DDX50: variants seen among roughly 807,000 people sequenced by gnomAD.
DDX50 encodes the protein DExD-box helicase 50.
DDX50 carries 56 observed loss-of-function variants against 94.8 expected under a neutral mutation model. The observed-to-expected ratio is 0.59, with a 90% CI of 0.48 to 0.74. DDX50 has a LOEUF of 0.74. DDX50 is among the 30% of genes least tolerant of loss of function. DDX50 has a pLI of 0.00. For missense variants in DDX50, 713 were observed against 881.2 expected, an observed-to-expected ratio of 0.81 and a Z score of 2.42; for synonymous variants, 264 against 295.4, an observed-to-expected ratio of 0.89 and a Z score of 1.09.
chr10:68,908,587 T>C (rs1841532845), intron 2 of DDX50, among the ~76,000 whole-genome samples: 1 of 151,186 alleles, frequency 6.6e-6, no homozygotes, highest in Non-Finnish European at 1.5e-5. Flanking sequence ...GAGTGGATTA[T>C]AAATAATTTT....
intron 10 of DDX50, 149 bp downstream of exon 10, chr10:68,935,067 T>C (rs768101576): frequency 1.4e-4 from 134 of 971,264 alleles, no homozygotes; most frequent in Non-Finnish European, 1.7e-4. Context: ...TCTAAATTTA[T>C]ATTAGCTTCA....
chr10:68,936,693 G>A (rs1369214574), intron 11 of DDX50, among the ~76,000 whole-genome samples: 1 of 150,618 alleles, frequency 6.6e-6, no homozygotes, highest in African/African-American at 2.4e-5. Flanking sequence ...ACAAAGATTA[G>A]CCAGGAGTGG....
intron 1 of DDX50, among the ~76,000 whole-genome samples, chr10:68,901,696 C>T (rs1004503827): frequency 3.3e-5 from 5 of 152,194 alleles, no homozygotes; most frequent in African/African-American, 1.2e-4. Flanking sequence ...TCCGCGTGGC[C>T]CCTCAGCCCT....
intron 2 of DDX50, among the ~76,000 whole-genome samples, chr10:68,908,565 A>G (rs1037733702): frequency 6.7e-6 from 1 of 148,888 alleles, no homozygotes; most frequent in Non-Finnish European, 1.5e-5. Flanking sequence ...TGTTTCAAAT[A>G]TGGCTTTAGC....
At position 68,911,128 on chromosome 10, in the gene DDX50, GA is replaced by G. The variant is rs750448604; in HGVS notation, c.525del (p.Asp176IlefsTer2). 6.2e-7 allele frequency: 1 copy of G among 1,610,796 alleles called. No homozygotes were observed. Among genetic ancestry groups the G allele is most frequent in the Non-Finnish European group, 8.5e-7 (1 of 1,178,588 alleles). On this transcript the variant is annotated frameshift_variant, in exon 4 of 15. Transcript: ENST00000373585. LOFTEE classifies it high-confidence loss of function. ...QVKTFGPVYE[G>X]KDLIAQARTG... Reference sequence around the variant, plus strand: ...AAGACCTTTGGTCCTGTATATGAAGGAAAAGATTTAATAGCTCAAGCACGGA... The same window carrying G: ...AAGACCTTTGGTCCTGTATATGAAGGAAAGATTTAATAGCTCAAGCACGGA...
At chr10:68,935,350 C>G (rs939582783) in intron 10 of DDX50, among the ~76,000 whole-genome samples, 5 of 151,546 alleles carry the variant, frequency 3.3e-5, no homozygotes, top group African/African-American at 1.2e-4. Context: ...TTTTTATATG[C>G]AATTTCATAT....
At chr10:68,915,177 G>T (rs1213957126) in intron 7 of DDX50, among the ~76,000 whole-genome samples, 1 of 152,170 alleles carries the variant, frequency 6.6e-6, no homozygotes, top group Non-Finnish European at 1.5e-5. Context: ...ATTTTGGGAG[G>T]CTGAGGCAGG....
Position 68,934,677 on chromosome 10 carries a change from T to G in DDX50, c.1402-122T>G, listed in dbSNP as rs1842361375. 2.7e-5 allele frequency: 33 copies of G among 1,210,990 alleles called. No individual in the cohort carries two copies. Among genetic ancestry groups the G allele is most frequent in the Non-Finnish European group, 3.7e-5 (33 of 888,634 alleles). 75.0% of individuals were successfully genotyped at this position (1,210,990 alleles called of 1,614,324 possible). On this transcript the variant is annotated intron_variant, in intron 9 of 14. Coordinates refer to ENST00000373585, the MANE Select transcript of DDX50 (RefSeq NM_024045.2). This position sits in a 1 kb window ranked among gnomAD's most constrained non-coding sequence, Gnocchi z 4.0. ...CCAAAATCCACACATATAAATTGTTTGGAATGTTGAAAAGGGCAACAGGAT... is the reference window on the plus strand; with the variant it reads ...CCAAAATCCACACATATAAATTGTTGGGAATGTTGAAAAGGGCAACAGGAT...
rs748530754 is a variant in DDX50 at position 68,913,486 on chromosome 10, C to T, written c.853C>T (p.Arg285Ter). Reference sequence around the variant, plus strand: ...TGGCCGATTGGATCTTTCTAAACTGCGACATGTTGTGCTTGATGAAGTGGA... The same window carrying T: ...TGGCCGATTGGATCTTTCTAAACTGTGACATGTTGTGCTTGATGAAGTGGA... The part of the protein sequence containing the change: ...QSGRLDLSKL[R>*]HVVLDEVDQM... Residue 285 changes from arginine to a stop codon, truncating the protein, a stop_gained, in exon 6 of 15, where the codon CGA (arginine) becomes TGA (stop). Coordinates refer to ENST00000373585, the MANE Select transcript of DDX50 (RefSeq NM_024045.2). LOFTEE classifies it high-confidence loss of function. The T allele has an allele frequency of 5.6e-6, 9 of 1,614,054 alleles. No homozygotes were observed. The highest frequency in any genetic ancestry group is 1.3e-5 in the African/African-American group (1 of 75,020).
rs541561570 is a variant in DDX50, at chr10:68,901,691, G to T, written c.87+220G>T. ...CCTGGGCTTTGGGCCTCTCCTCCGC[G>T]TGGCCCCTCAGCCCTTCCCGTTGGC... On this transcript the variant is annotated intron_variant, in intron 1 of 14. Coordinates refer to ENST00000373585, the MANE Select transcript of DDX50 (RefSeq NM_024045.2). 5.3e-5 allele frequency among the ~76,000 whole-genome samples: 8 copies of T among 152,314 alleles called. No homozygotes were observed. The East Asian group carries it at 1.5e-3, about 29-fold the overall frequency.
chr10:68,906,395 T>C (rs1841445758), intron 1 of DDX50: 2 of 239,476 alleles, frequency 8.4e-6, no homozygotes, highest in African/African-American at 4.7e-5. Context: ...AAGTTTTTGC[T>C]TGTTTAGTAA....
intron 13 of DDX50, among the ~76,000 whole-genome samples, chr10:68,942,597 T>C (rs1036894676): frequency 6.6e-6 from 1 of 151,718 alleles, no homozygotes; most frequent in African/African-American, 2.4e-5. Flanking sequence ...ATTCTTATTA[T>C]CTAACAAACA....
intron 14 of DDX50, among the ~76,000 whole-genome samples, chr10:68,945,384 G>A (rs898523125): frequency 4.6e-5 from 7 of 151,698 alleles, no homozygotes; most frequent in African/African-American, 1.7e-4. Context: ...TCGGCTCACT[G>A]CAACCTCTGC....
In DDX50 at chr10:68,935,997, C is replaced by G; in HGVS notation, c.1522-9C>G. ...CCATTTTTCTTTAATGTAACTCTTT[C>G]ATTTTCAGGGAATTACTTTTAAACG... On this transcript the variant is annotated splice_polypyrimidine_tract_variant and intron_variant, in intron 10 of 14. Transcript: ENST00000373585. The G allele has an allele frequency of 6.3e-7, 1 of 1,582,548 alleles. No homozygotes were observed. The highest frequency in any genetic ancestry group is 2.3e-5 in the East Asian group (1 of 44,340).
intron 1 of DDX50, 50 bp from the exon 2 acceptor site, chr10:68,906,661 T>C: frequency 6.3e-7 from 1 of 1,581,046 alleles, no homozygotes; most frequent in Non-Finnish European, 8.5e-7. Flanking sequence ...TCTAGAGTCT[T>C]AAAAGAAAAC....
chr10:68,910,839 A>C (rs566717482), intron 3 of DDX50, among the ~76,000 whole-genome samples: 121 of 152,338 alleles, frequency 7.9e-4, no homozygotes, highest in Non-Finnish European at 1.2e-3. Context: ...TTACTTTTAC[A>C]TCATCCTTTT....
chr10:68,915,946 AAAT>A (rs1232632363), intron 7 of DDX50, among the ~76,000 whole-genome samples: 1 of 152,226 alleles, frequency 6.6e-6, no homozygotes, highest in Non-Finnish European at 1.5e-5. Flanking sequence ...CTATTTTAAA[AAAT>A]AAATAGTGCT....
chr10:68,936,865 T>G, intron 11 of DDX50, 71 bp from the exon 12 acceptor site: 1 of 1,461,712 alleles, frequency 6.8e-7, no homozygotes, highest in Non-Finnish European at 9.2e-7. Context: ...ACTCCTTCTT[T>G]TTCCCATTTT....
At chr10:68,945,545 G>C (rs1271336879) in intron 14 of DDX50, among the ~76,000 whole-genome samples, 1 of 152,088 alleles carries the variant, frequency 6.6e-6, no homozygotes, top group Non-Finnish European at 1.5e-5. Flanking sequence ...GACCTCAAGT[G>C]ATCTGCCCGC....
Sources: allele counts gnomAD v4.1 joint callset (sites outside exome capture counted in the v4.1 genomes callset), GRCh38; gene constraint gnomAD v4.1.1; non-coding constraint Gnocchi (gnomAD v3.1); transcripts MANE v1.5; gene names NCBI Gene and HGNC (gene_info 2026-07-23, HGNC 2026-07-21).